Variants in CSGALNACT1 observed in about 807,000 individuals in gnomAD.
CSGALNACT1 encodes beta4GalNAcT-1.
Under a neutral mutation model 51.0 loss-of-function variants are expected in CSGALNACT1, and 52 were observed. That is an observed-to-expected ratio of 1.02 (90% CI 0.82 to 1.29). The LOEUF is 1.29. Ranked by LOEUF, CSGALNACT1 falls within the 50% of genes most tolerant of loss-of-function variation. The pLI is 0.00. For missense variants in CSGALNACT1, 935 were observed against 679.2 expected, an observed-to-expected ratio of 1.38 and a Z score of -4.19; for synonymous variants, 341 against 254.4, an observed-to-expected ratio of 1.34 and a Z score of -3.24.
chr8:19,406,165 G>C (rs577991670), intron 9 of CSGALNACT1, 96 bp from the exon 9 acceptor site: 107 of 1,384,884 alleles, frequency 7.7e-5, no homozygotes, highest in Non-Finnish European at 1.0e-4. Flanking sequence ...AGACATGACT[G>C]GGGGGGATGC....
intron 2 of CSGALNACT1, among the ~76,000 whole-genome samples, chr8:19,595,619 T>TA (rs532701386): frequency 0.018 from 2,724 of 148,130 alleles, 35 homozygotes; most frequent in South Asian, 0.043. Context: ...TTTGTAATGT[T>TA]AAAAAAAAAA....
At chr8:19,474,869 GAAAAAAAAAAAAAAAA>G (rs10683237) in intron 4 of CSGALNACT1, among the ~76,000 whole-genome samples, 1 of 86,172 alleles carries the variant, frequency 1.2e-5, no homozygotes, top group African/African-American at 4.7e-5. Context: ...CTCTGTCTCA[GAAAAAAAAAAAAAAAA>G]AGAAAAAAAA....
chr8:19,657,940 T>C (rs2058428748), intron 1 of CSGALNACT1, among the ~76,000 whole-genome samples: 1 of 151,894 alleles, frequency 6.6e-6, no homozygotes, highest in Admixed American at 6.6e-5. Context: ...GGCATCAGCT[T>C]GGTGGTCTAA....
At chr8:19,662,077 C>CCCCCCCCCCCCG (rs2058802493) in intron 1 of CSGALNACT1, among the ~76,000 whole-genome samples, 1 of 38,056 alleles carries the variant, frequency 2.6e-5, no homozygotes, top group African/African-American at 1.1e-4. Flanking sequence ...CCCCCCCACC[C>CCCCCCCCCCCCG]CCCCCCCCCC....
At chr8:19,440,875 G>A (rs2061221322) in intron 5 of CSGALNACT1, among the ~76,000 whole-genome samples, 1 of 152,082 alleles carries the variant, frequency 6.6e-6, no homozygotes, top group Non-Finnish European at 1.5e-5. Flanking sequence ...CAAAGTCTCA[G>A]GATATAAAAT....
chr8:19,718,788 C>T (rs924186881), intron 1 of CSGALNACT1, among the ~76,000 whole-genome samples: 23 of 152,286 alleles, frequency 1.5e-4, no homozygotes, highest in African/African-American at 5.3e-4. Context: ...TTATTTGCAT[C>T]CACTCTACCC....
intron 4 of CSGALNACT1, among the ~76,000 whole-genome samples, chr8:19,479,054 A>AG (rs2070616970): frequency 6.6e-6 from 1 of 152,222 alleles, no homozygotes; most frequent in Non-Finnish European, 1.5e-5. Context: ...AAAACACCAA[A>AG]GGTTACATGG....
chr8:19,680,408 C>T (rs1234167883), intron 1 of CSGALNACT1, among the ~76,000 whole-genome samples: 3 of 151,874 alleles, frequency 2.0e-5, no homozygotes, highest in South Asian at 2.1e-4. Context: ...ATATAAAAAT[C>T]AGCCGGGTGT....
intron 3 of CSGALNACT1, among the ~76,000 whole-genome samples, chr8:19,571,370 G>C (rs564049775): frequency 1.3e-5 from 2 of 152,124 alleles, no homozygotes; most frequent in East Asian, 1.9e-4. Flanking sequence ...GAATTCTAGA[G>C]TGGGGGGCAC....
chr8:19,650,593 G>A (rs1806576529), intron 1 of CSGALNACT1, among the ~76,000 whole-genome samples: 1 of 152,150 alleles, frequency 6.6e-6, no homozygotes, highest in African/African-American at 2.4e-5. Context: ...ACGTGGTCCT[G>A]GTTCCCAAGA....
intron 1 of CSGALNACT1, among the ~76,000 whole-genome samples, chr8:19,618,009 G>A (rs1191736624): frequency 6.6e-6 from 1 of 151,790 alleles, no homozygotes; most frequent in Non-Finnish European, 1.5e-5. Flanking sequence ...CCCCCAAGCA[G>A]CTAGGATTAC....
At chr8:19,720,894 C>T (rs1044838281) in intron 1 of CSGALNACT1, among the ~76,000 whole-genome samples, 1 of 152,194 alleles carries the variant, frequency 6.6e-6, no homozygotes, top group Non-Finnish European at 1.5e-5. Flanking sequence ...CCCAAGGGGG[C>T]CTGCTGAAGT....
At position 19,488,244 on chromosome 8, in the gene CSGALNACT1, G is replaced by A. The variant is rs113491239; in HGVS notation, c.634+16957C>T. Reference sequence around the variant, plus strand: ...GTGCACCTATAATCCCAGTTACTCCGGAGGCTGAGGCAGGAGAATCGCTTG... The same window carrying A: ...GTGCACCTATAATCCCAGTTACTCCAGAGGCTGAGGCAGGAGAATCGCTTG... On this transcript the variant is annotated intron_variant, in intron 4 of 9. Coordinates refer to ENST00000454498, the Ensembl canonical transcript of CSGALNACT1. Among the ~76,000 whole-genome samples, 602 of 151,676 alleles carry A rather than the reference G, an allele frequency of 4.0e-3. 3 individuals are homozygous for A. The highest frequency in any genetic ancestry group is 0.014 in the African/African-American group (575 of 41,398).
chr8:19,602,089 C>T lies in CSGALNACT1; in HGVS notation c.-608G>A, dbSNP rs151129252. 9 of 291,044 alleles carry T rather than the reference C, an allele frequency of 3.1e-5. No homozygotes were observed. The East Asian group carries it at 8.0e-4, about 26-fold the overall frequency. The allele number at this position is 291,044 out of a possible 1,614,324, so 18.0% of individuals were successfully genotyped here. On this transcript the variant is annotated 5_prime_UTR_variant, in exon 1 of 10. Transcript: ENST00000454498. ...AATCAAGGCTTTAAACAGTGATAAC[C>T]ATGTCTAAAGGTGTCTAAAAATGAA...
chr8:19,440,636 C>G (rs1472898699), intron 5 of CSGALNACT1, among the ~76,000 whole-genome samples: 3 of 152,104 alleles, frequency 2.0e-5, no homozygotes, highest in Admixed American at 6.5e-5. Context: ...AAACTGGAAG[C>G]ATTCCCTTTG....
rs1381781283 is a variant in CSGALNACT1, at chr8:19,495,577, G to A, written c.634+9624C>T. ...CACAAGACAGGGAGGAGGCTGGAGA[G>A]GAGGGAGCTCTAAGTCACTACTGAT... On this transcript the variant is annotated intron_variant, in intron 4 of 9. Transcript: ENST00000454498. 2.6e-5 allele frequency among the ~76,000 whole-genome samples: 4 copies of A among 152,316 alleles called. No individual in the cohort carries two copies. The East Asian group carries it at 7.7e-4, about 29-fold the overall frequency.
At chr8:19,506,672 T>G (rs1287214790) in intron 3 of CSGALNACT1, among the ~76,000 whole-genome samples, 1 of 151,930 alleles carries the variant, frequency 6.6e-6, no homozygotes, top group South Asian at 2.1e-4. Flanking sequence ...CTGGAGTGAG[T>G]TGGCACTCTT....
At chr8:19,657,890 C>A (rs1388839647) in intron 1 of CSGALNACT1, among the ~76,000 whole-genome samples, 1 of 151,990 alleles carries the variant, frequency 6.6e-6, no homozygotes, top group South Asian at 2.1e-4. Flanking sequence ...GATGGGGTTT[C>A]CAGGCCATTG....
intron 1 of CSGALNACT1, among the ~76,000 whole-genome samples, chr8:19,676,576 G>A (rs908008471): frequency 5.6e-4 from 85 of 152,172 alleles, no homozygotes; most frequent in African/African-American, 2.0e-3. Flanking sequence ...GTAACTTGTG[G>A]AATGATACCA....
Sources: allele counts gnomAD v4.1 joint callset (sites outside exome capture counted in the v4.1 genomes callset), GRCh38; gene constraint gnomAD v4.1.1; transcripts MANE v1.5; gene names NCBI Gene and HGNC (gene_info 2026-07-23, HGNC 2026-07-21).